Variants in CTNNA2 observed in about 807,000 individuals in gnomAD.
CTNNA2 encodes the protein catenin alpha-2.
CTNNA2 carries 42 observed loss-of-function variants against 101.0 expected under a neutral mutation model. That is an observed-to-expected ratio of 0.42 (90% CI 0.32 to 0.54). The LOEUF (loss-of-function observed/expected upper bound fraction) is 0.54, where lower values mean the gene tolerates loss of function less well. Ranked by LOEUF, CTNNA2 falls within the 20% of genes least tolerant of loss-of-function variation. CTNNA2 has a pLI of 0.14. For synonymous variants in CTNNA2, 450 were observed against 456.4 expected (o/e 0.99, Z 0.18); for missense variants, 871 against 1,223.1 (o/e 0.71, Z 4.29).
At chr2:79,893,258 A>G (rs368661992) in intron 6 of CTNNA2, among the ~76,000 whole-genome samples, 1 of 152,142 alleles carries the variant, frequency 6.6e-6, no homozygotes, top group Non-Finnish European at 1.5e-5. Context: ...TTAACTTTCT[A>G]AAAATCATAG....
chr2:79,804,673 T>C (rs563523928), intron 3 of CTNNA2, among the ~76,000 whole-genome samples: 1 of 152,162 alleles, frequency 6.6e-6, no homozygotes, highest in African/African-American at 2.4e-5. Context: ...ATTTAAGTAA[T>C]AAAATGAGAA....
chr2:80,223,895 A>G (rs1642822465), intron 7 of CTNNA2, among the ~76,000 whole-genome samples: 1 of 152,204 alleles, frequency 6.6e-6, no homozygotes, highest in Non-Finnish European at 1.5e-5. Flanking sequence ...AGGTAATCAT[A>G]CTGTTTAGAT....
At chr2:79,802,517 A>T (rs1283962775) in intron 3 of CTNNA2, among the ~76,000 whole-genome samples, 1 of 152,174 alleles carries the variant, frequency 6.6e-6, no homozygotes, top group Admixed American at 6.5e-5. Context: ...CCCCAAGGTT[A>T]CAAAGTGACT....
At chr2:79,548,649 G>T (rs1673892128) in intron 1 of CTNNA2, among the ~76,000 whole-genome samples, 1 of 152,220 alleles carries the variant, frequency 6.6e-6, no homozygotes, top group African/African-American at 2.4e-5. Context: ...CTGCTGAGAA[G>T]TGAATTTGGT....
At chr2:80,492,912 A>G (rs987433843) in intron 9 of CTNNA2, among the ~76,000 whole-genome samples, 1 of 152,086 alleles carries the variant, frequency 6.6e-6, no homozygotes, top group Admixed American at 6.6e-5. Flanking sequence ...TCAGTTCTAA[A>G]ATGTGGGACC....
intron 7 of CTNNA2, among the ~76,000 whole-genome samples, chr2:80,361,121 A>G (rs1674363906): frequency 6.6e-6 from 1 of 152,084 alleles, no homozygotes; most frequent in Non-Finnish European, 1.5e-5. Flanking sequence ...GTGTAATACC[A>G]ATTTTTGTAG....
intron 7 of CTNNA2, among the ~76,000 whole-genome samples, chr2:79,910,566 T>A (rs1363604303): frequency 6.6e-6 from 1 of 152,168 alleles, no homozygotes; most frequent in Admixed American, 6.5e-5. Context: ...GATCTGTGCT[T>A]CCCCCTTTCC....
chr2:80,072,338 GCCAAAAGTTC>G (rs1698401541), intron 7 of CTNNA2, among the ~76,000 whole-genome samples: 1 of 150,270 alleles, frequency 6.7e-6, no homozygotes, highest in Non-Finnish European at 1.5e-5. Flanking sequence ...TATGTCCGCT[GCCAAAAGTTC>G]CAAGCCCTGC....
intron 1 of CTNNA2, among the ~76,000 whole-genome samples, chr2:79,521,090 T>C (rs1022009556): frequency 9.8e-6 from 1 of 102,022 alleles, no homozygotes; most frequent in Non-Finnish European, 1.9e-5. Flanking sequence ...CCCTTTGAGA[T>C]AGAAAACAAA....
At chr2:80,246,059 G>C (rs76838458) in intron 7 of CTNNA2, among the ~76,000 whole-genome samples, 1 of 151,976 alleles carries the variant, frequency 6.6e-6, no homozygotes, top group Non-Finnish European at 1.5e-5. Context: ...CTCCTGAAGT[G>C]CTGGGATTAT....
At chr2:79,459,865 T>C (rs557390662) in intron 4 of CTNNA2, among the ~76,000 whole-genome samples, 1 of 152,336 alleles carries the variant, frequency 6.6e-6, no homozygotes, top group East Asian at 1.9e-4. Context: ...AACTCTTACG[T>C]TGCAGCATCC....
intron 7 of CTNNA2, among the ~76,000 whole-genome samples, chr2:80,098,973 C>G (rs562283389): frequency 1.3e-3 from 193 of 152,164 alleles, no homozygotes; most frequent in African/African-American, 4.5e-3. Context: ...CAATTCCTCA[C>G]CCTGCTTCAG....
chr2:79,714,677 G>A (rs1428039985), intron 2 of CTNNA2, among the ~76,000 whole-genome samples: 1 of 152,018 alleles, frequency 6.6e-6, no homozygotes, highest in East Asian at 1.9e-4. Context: ...ATCTGTGTAG[G>A]GCACTGGGGG....
chr2:79,802,975 T>C (rs989202892), intron 3 of CTNNA2, among the ~76,000 whole-genome samples: 1 of 152,202 alleles, frequency 6.6e-6, no homozygotes, highest in African/African-American at 2.4e-5. Context: ...AAAAGTTATA[T>C]AAAAATAAGT....
rs536284885 is a variant in CTNNA2 at position 79,599,043 on chromosome 2, C to G, written c.-5-52509C>G. Among the ~76,000 whole-genome samples the G allele has an allele frequency of 9.7e-4, 147 of 152,202 alleles. 1 individual carries two copies. Among genetic ancestry groups the G allele is most frequent in the African/African-American group, 3.2e-3 (132 of 41,524 alleles). On this transcript the variant is annotated intron_variant, in intron 1 of 18. Coordinates refer to ENST00000402739, the MANE Select transcript of CTNNA2 (RefSeq NM_001282597.3). ...TGAATATCCAGTTTTTCCAACACCA[C>G]TTTTTGAAAAGAGTATCTTTGCTCC... is the stretch of plus-strand genomic sequence containing the variant.
chr2:79,830,655 G>GTGTC (rs927511891), intron 3 of CTNNA2, among the ~76,000 whole-genome samples: 3 of 152,278 alleles, frequency 2.0e-5, no homozygotes, highest in African/African-American at 7.2e-5. Context: ...CTCGCCTGAG[G>GTGTC]TGTCTGACAA....
At chr2:80,450,663 C>G (rs768946544) in intron 9 of CTNNA2, among the ~76,000 whole-genome samples, 2 of 152,000 alleles carry the variant, frequency 1.3e-5, no homozygotes, top group Non-Finnish European at 2.9e-5. Context: ...TTTACAAAAC[C>G]AAAGGAGGGA....
At position 80,215,746 on chromosome 2, in the gene CTNNA2, A is replaced by T. The variant is rs138497258; in HGVS notation, c.1057-177465A>T. Among the ~76,000 whole-genome samples the T allele has an allele frequency of 8.2e-4, 125 of 152,316 alleles. No homozygotes were observed. The East Asian group carries it at 0.023, about 28-fold the overall frequency. Reference sequence around the variant, plus strand: ...GAGGAGGCAGTCTGTCCGTTCTCAGATCTCAAACTCTGTGCTGGGAGAACC... The same window carrying T: ...GAGGAGGCAGTCTGTCCGTTCTCAGTTCTCAAACTCTGTGCTGGGAGAACC... On this transcript the variant is annotated intron_variant, in intron 7 of 18. Transcript: ENST00000402739.
rs1674890722 is a variant in CTNNA2, at chr2:79,259,326, T to C, written c.-405-53383T>C. 2.6e-5 allele frequency among the ~76,000 whole-genome samples: 4 copies of C among 152,092 alleles called. No homozygotes were observed. The South Asian group carries it at 8.3e-4, about 32-fold the overall frequency. On this transcript the variant is annotated intron_variant, in intron 2 of 21. Transcript: ENST00000466387. ...CACACCTACTTCCTCAACTTCCAAA[T>C]AACAAAGACTGAACTGAGCTACAAG...
Sources: allele counts gnomAD v4.1 joint callset (sites outside exome capture counted in the v4.1 genomes callset), GRCh38; gene constraint gnomAD v4.1.1; transcripts MANE v1.5; gene names NCBI Gene and HGNC (gene_info 2026-07-23, HGNC 2026-07-21).